The following COBL variants were observed in gnomAD, a reference collection of about 807,000 sequenced individuals.
COBL encodes the protein cordon-bleu WH2 repeat protein, also known as protein cordon-bleu.
COBL carries 51 observed loss-of-function variants against 98.8 expected under a neutral mutation model. The ratio of observed to expected loss-of-function variants is 0.52; its 90% confidence interval spans 0.41 to 0.65. COBL has a LOEUF of 0.65. COBL is among the 30% of genes least tolerant of loss of function. The probability of loss-of-function intolerance (pLI) is 0.00; values close to 1 mark genes in which losing one functional copy is unlikely to be tolerated. For missense variants in COBL, 1,617 were observed against 1,617.5 expected (o/e 1.00, Z 0.01); for synonymous variants, 634 against 651.7 (o/e 0.97, Z 0.41).
intron 5 of COBL, among the ~76,000 whole-genome samples, chr7:51,139,353 AAGTC>A (rs1440200398): frequency 6.6e-6 from 1 of 152,176 alleles, no homozygotes; most frequent in Non-Finnish European, 1.5e-5. Context: ...GAATGGCAGA[AAGTC>A]AGAAGGCGGA....
At chr7:51,063,595 A>G (rs1294543852) in intron 7 of COBL, among the ~76,000 whole-genome samples, 2 of 152,234 alleles carry the variant, frequency 1.3e-5, no homozygotes, top group African/African-American at 4.8e-5. Flanking sequence ...AGTAGGAGGC[A>G]GGCTGAGGGC....
chr7:51,134,953 T>C (rs77362106), intron 6 of COBL, among the ~76,000 whole-genome samples: 1 of 152,112 alleles, frequency 6.6e-6, no homozygotes, highest in Non-Finnish European at 1.5e-5. Flanking sequence ...TATGTATACA[T>C]TCCTTTTTTT....
chr7:51,083,901 C>T (rs1793935325), intron 7 of COBL, among the ~76,000 whole-genome samples: 2 of 152,148 alleles, frequency 1.3e-5, no homozygotes, highest in Non-Finnish European at 2.9e-5. Flanking sequence ...CACGATCCAA[C>T]CACATACAGC....
intron 7 of COBL, among the ~76,000 whole-genome samples, chr7:51,066,244 G>A (rs1473798877): frequency 6.6e-6 from 1 of 152,118 alleles, no homozygotes; most frequent in Non-Finnish European, 1.5e-5. Context: ...TGGTATTTTT[G>A]TGCAGCCCCA....
Position 51,292,403 on chromosome 7 carries a change from T to C in COBL, c.41+24190A>G, listed in dbSNP as rs925132976. On this transcript the variant is annotated intron_variant, in intron 1 of 12. Transcript: ENST00000265136. ...GAGTATTATGTTTTAAAGAATCTGA[T>C]TAGAATGAGTACTATTTAAATATGA... Among the ~76,000 whole-genome samples, 9 of 152,312 alleles carry C rather than the reference T, an allele frequency of 5.9e-5. No homozygotes were observed. In the East Asian group the frequency reaches 1.2e-3, roughly 20 times the overall value.
intron 1 of COBL, among the ~76,000 whole-genome samples, chr7:51,292,539 G>C (rs1285918983): frequency 6.6e-6 from 1 of 152,248 alleles, no homozygotes; most frequent in Non-Finnish European, 1.5e-5. Flanking sequence ...GTATTAGAAA[G>C]GGACACATTC....
At chr7:51,030,009 G>A (rs1055570599) in intron 9 of COBL, among the ~76,000 whole-genome samples, 12 of 152,200 alleles carry the variant, frequency 7.9e-5, no homozygotes, top group Admixed American at 2.0e-4. Flanking sequence ...TCTTAAGGAA[G>A]CAGATGACTA....
chr7:51,146,380 A>G (rs1785032344), intron 5 of COBL, among the ~76,000 whole-genome samples: 1 of 152,154 alleles, frequency 6.6e-6, no homozygotes, highest in Admixed American at 6.5e-5. Flanking sequence ...CATCCCCATG[A>G]CTGCAGGGAG....
chr7:51,191,542 GAT>G (rs139645519), intron 3 of COBL, among the ~76,000 whole-genome samples: 93 of 148,442 alleles, frequency 6.3e-4, no homozygotes, highest in African/African-American at 2.1e-3. Context: ...TATGTACATA[GAT>G]ATATATATAT....
chr7:51,193,702 G>C, intron 2 of COBL, 113 bp from the exon 3 acceptor site: 1 of 892,182 alleles, frequency 1.1e-6, no homozygotes, highest in South Asian at 1.7e-5. Flanking sequence ...AATTAGATAT[G>C]CTTATGAAAA....
intron 1 of COBL, among the ~76,000 whole-genome samples, chr7:51,270,783 T>A (rs1434019810): frequency 6.6e-6 from 1 of 151,842 alleles, no homozygotes; most frequent in Non-Finnish European, 1.5e-5. Flanking sequence ...ATTTGCTCAA[T>A]AATTACTATG....
chr7:51,053,234 C>A (rs1583621494), intron 7 of COBL, among the ~76,000 whole-genome samples: 1 of 152,200 alleles, frequency 6.6e-6, no homozygotes, highest in Admixed American at 6.5e-5. Flanking sequence ...AAGCTGCCTA[C>A]AATCCCCTTT....
intron 2 of COBL, among the ~76,000 whole-genome samples, chr7:51,197,351 T>C (rs907116190): frequency 4.6e-5 from 7 of 152,222 alleles, no homozygotes; most frequent in African/African-American, 1.7e-4. Flanking sequence ...TTATTAGTCT[T>C]GATTTCTAAT....
At chr7:51,124,167 T>G (rs542918469) in intron 6 of COBL, among the ~76,000 whole-genome samples, 29 of 152,324 alleles carry the variant, frequency 1.9e-4, no homozygotes, top group African/African-American at 6.7e-4. Flanking sequence ...GAACTGTTGC[T>G]GGGTCTCTCT....
rs573500615 is a variant in COBL, at chr7:51,016,723, C to G, written c.*828G>C. On this transcript the variant is annotated 3_prime_UTR_variant, in exon 13 of 13. Coordinates refer to ENST00000265136, the MANE Select transcript of COBL (RefSeq NM_015198.5). ...GATTCCAGAAGGCTCCCAGTGAAGT[C>G]ATCAGGCTCCGTACACAGGCACCGT... 2.6e-6 allele frequency: 1 copy of G among 382,766 alleles called. No homozygotes were observed. Among genetic ancestry groups the G allele is most frequent in the East Asian group, 3.7e-5 (1 of 26,986 alleles). 23.7% of individuals were successfully genotyped at this position (382,766 alleles called of 1,614,324 possible).
intron 2 of COBL, among the ~76,000 whole-genome samples, chr7:51,203,566 TA>T (rs1227758773): frequency 8.5e-6 from 1 of 117,492 alleles, no homozygotes; most frequent in Non-Finnish European, 1.9e-5. Flanking sequence ...GAAATATGAA[TA>T]AAAAAGATCA....
intron 5 of COBL, among the ~76,000 whole-genome samples, chr7:51,149,716 C>G (rs985670745): frequency 3.9e-5 from 6 of 152,192 alleles, no homozygotes; most frequent in African/African-American, 1.4e-4. Flanking sequence ...GAGAGATTCT[C>G]CTGCCTCAGC....
Position 51,170,519 on chromosome 7 carries a change from A to C in COBL, c.783+13583T>G, listed in dbSNP as rs951452985. On this transcript the variant is annotated intron_variant, in intron 5 of 12. Coordinates refer to ENST00000265136, the MANE Select transcript of COBL (RefSeq NM_015198.5). ...ACCTGACACTGTGATATATATATAT[A>C]TATATATATATAAATATATATCACA... Among the ~76,000 whole-genome samples, 4 of 146,940 alleles carry C rather than the reference A, an allele frequency of 2.7e-5. No individual in the cohort carries two copies. In the East Asian group the frequency reaches 7.9e-4, roughly 29 times the overall value.
At chr7:51,270,854 A>G (rs1054957527) in intron 1 of COBL, among the ~76,000 whole-genome samples, 8 of 152,166 alleles carry the variant, frequency 5.3e-5, no homozygotes, top group African/African-American at 1.7e-4. Context: ...AAAAACAAGA[A>G]ATCAGATTTT....
Sources: allele counts gnomAD v4.1 joint callset (sites outside exome capture counted in the v4.1 genomes callset), GRCh38; gene constraint gnomAD v4.1.1; transcripts MANE v1.5; gene names NCBI Gene and HGNC (gene_info 2026-07-23, HGNC 2026-07-21).